SEMA6D: variants seen among roughly 807,000 people sequenced by gnomAD.
SEMA6D encodes semaphorin-6D.
A neutral mutation model predicts 106.6 loss-of-function variants in SEMA6D; 35 were observed. The ratio of observed to expected loss-of-function variants is 0.33; its 90% CI spans 0.25 to 0.44. SEMA6D has a LOEUF of 0.44. SEMA6D is among the 20% of genes least tolerant of loss of function. The pLI is 1.00. For synonymous variants in SEMA6D, 499 were observed against 487.7 expected, an observed-to-expected ratio of 1.02 and a Z score of -0.31; for missense variants, 1,185 against 1,345.9, an observed-to-expected ratio of 0.88 and a Z score of 1.87.
intron 1 of SEMA6D, among the ~76,000 whole-genome samples, chr15:47,385,737 A>G (rs1664441536): frequency 6.6e-6 from 1 of 152,222 alleles, no homozygotes; most frequent in South Asian, 2.1e-4. Flanking sequence ...GAACTGGGAA[A>G]TGATAACTGT....
chr15:47,226,786 T>C (rs974549680), intron 1 of SEMA6D, among the ~76,000 whole-genome samples: 1 of 152,120 alleles, frequency 6.6e-6, no homozygotes, highest in Non-Finnish European at 1.5e-5. Context: ...GCTCTTCAGC[T>C]GTAGACTTTG....
intron 4 of SEMA6D, among the ~76,000 whole-genome samples, chr15:47,710,096 C>T (rs1023376967): frequency 7.2e-5 from 11 of 152,106 alleles, no homozygotes; most frequent in African/African-American, 2.7e-4. Context: ...AAGATCTAAA[C>T]AAAATAAATC....
intron 2 of SEMA6D, among the ~76,000 whole-genome samples, chr15:47,418,761 T>C (rs1267219643): frequency 6.6e-6 from 1 of 151,928 alleles, no homozygotes; most frequent in Non-Finnish European, 1.5e-5. Flanking sequence ...CAAGAGAGGA[T>C]AGGGTCCTGT....
chr15:47,570,035 C>G (rs1228134732), intron 3 of SEMA6D, among the ~76,000 whole-genome samples: 2 of 116,758 alleles, frequency 1.7e-5, no homozygotes, highest in Non-Finnish European at 4.2e-5. Context: ...CACTCCCAGC[C>G]CGGGCAACAG....
At chr15:47,693,209 A>C (rs957220879) in intron 4 of SEMA6D, among the ~76,000 whole-genome samples, 1 of 152,140 alleles carries the variant, frequency 6.6e-6, no homozygotes, top group Non-Finnish European at 1.5e-5. Context: ...ACACAGGGAA[A>C]GGCAATGTGA....
intron 4 of SEMA6D, among the ~76,000 whole-genome samples, chr15:47,654,126 C>A (rs1431712610): frequency 1.3e-5 from 2 of 152,180 alleles, no homozygotes; most frequent in African/African-American, 4.8e-5. Context: ...GGATGATGAT[C>A]ATTTTTCCAT....
intron 1 of SEMA6D, among the ~76,000 whole-genome samples, chr15:47,296,736 T>C (rs567571886): frequency 6.6e-6 from 1 of 152,292 alleles, no homozygotes; most frequent in East Asian, 1.9e-4. Context: ...ATGAGCAAAC[T>C]CTGCCATAAA....
At chr15:47,340,473 A>G (rs1430223349) in intron 1 of SEMA6D, among the ~76,000 whole-genome samples, 1 of 152,228 alleles carries the variant, frequency 6.6e-6, no homozygotes, top group Non-Finnish European at 1.5e-5. Flanking sequence ...ATGGATCGTT[A>G]TCTACAGTCT....
chr15:47,401,564 A>G (rs979691003), intron 1 of SEMA6D, among the ~76,000 whole-genome samples: 2 of 152,212 alleles, frequency 1.3e-5, no homozygotes, highest in East Asian at 1.9e-4. Context: ...TGCTCACCCA[A>G]TACCCATGTC....
At chr15:47,402,747 C>CTTTTTTTTTTTTTTTTTTTTTT (rs11344225) in intron 1 of SEMA6D, among the ~76,000 whole-genome samples, 1 of 121,514 alleles carries the variant, frequency 8.2e-6, no homozygotes, top group Non-Finnish European at 1.7e-5. Flanking sequence ...GTGAGCCAGA[C>CTTTTTTTTTTTTTTTTTTTTTT]TTTTTTTTTT....
intron 1 of SEMA6D, among the ~76,000 whole-genome samples, chr15:47,301,536 C>G (rs1307709985): frequency 2.6e-5 from 4 of 152,204 alleles, no homozygotes; most frequent in African/African-American, 7.2e-5. Flanking sequence ...CCCTGAAGGT[C>G]CCTAGGCAGA....
At chr15:47,469,916 C>T (rs183733133) in intron 2 of SEMA6D, among the ~76,000 whole-genome samples, 1 of 152,022 alleles carries the variant, frequency 6.6e-6, no homozygotes, top group African/African-American at 2.4e-5. Context: ...GAAAAGTGTG[C>T]ACATGATTAT....
At chr15:47,513,848 A>G (rs547286628) in intron 3 of SEMA6D, among the ~76,000 whole-genome samples, 1 of 152,352 alleles carries the variant, frequency 6.6e-6, no homozygotes, top group Non-Finnish European at 1.5e-5. Context: ...ACACATTGTA[A>G]TGCAGATTGT....
chr15:47,704,983 A>C (rs1391158993), intron 4 of SEMA6D, among the ~76,000 whole-genome samples: 1 of 152,228 alleles, frequency 6.6e-6, no homozygotes, highest in East Asian at 1.9e-4. Flanking sequence ...AATAGTAAAA[A>C]TACATTCACT....
intron 3 of SEMA6D, among the ~76,000 whole-genome samples, chr15:47,495,872 A>G (rs951482752): frequency 6.6e-6 from 1 of 152,072 alleles, no homozygotes; most frequent in Non-Finnish European, 1.5e-5. Flanking sequence ...CCCTTCATTG[A>G]ACATACAAGT....
intron 1 of SEMA6D, among the ~76,000 whole-genome samples, chr15:47,205,723 CATA>C (rs199801410): frequency 6.6e-6 from 1 of 151,808 alleles, no homozygotes; most frequent in Admixed American, 6.6e-5. Context: ...TCGAATAGAC[CATA>C]ATAAGCTAAA....
chr15:47,471,171 C>T (rs2042824897), intron 3 of SEMA6D, among the ~76,000 whole-genome samples: 2 of 152,126 alleles, frequency 1.3e-5, no homozygotes, highest in African/African-American at 4.8e-5. Context: ...GACAATTCTA[C>T]GCACACAGTG....
chr15:47,447,888 A>G lies in SEMA6D; in HGVS notation c.-158-22586A>G, dbSNP rs991464077. On this transcript the variant is annotated intron_variant, in intron 2 of 19. Transcript: ENST00000558014. ...CATTGCCAGAATTGAATTGTATTGG[A>G]GGATGCCCAGCTGGTATCTGCTAAA... Among the ~76,000 whole-genome samples, 4 of 152,132 alleles carry G rather than the reference A, an allele frequency of 2.6e-5. No homozygotes were observed. In the East Asian group the frequency reaches 5.8e-4, roughly 22 times the overall value.
chr15:47,730,303 G>A lies in SEMA6D; in HGVS notation c.-55+12611G>A, dbSNP rs906255636. On this transcript the variant is annotated intron_variant, in intron 1 of 18. Coordinates refer to ENST00000536845, the MANE Select transcript of SEMA6D (RefSeq NM_001358351.3). Reference sequence around the variant, plus strand: ...TAGCTTCCACCAGCTTAGCCAAAGCGCCTTTGTCTTCCGAGTTCACCTGTG... The same window carrying A: ...TAGCTTCCACCAGCTTAGCCAAAGCACCTTTGTCTTCCGAGTTCACCTGTG... The A allele has an allele frequency of 3.9e-5, 60 of 1,524,574 alleles. No homozygotes were observed. The Admixed American group carries it at 4.3e-4, about 11-fold the overall frequency. The allele number at this position is 1,524,574 out of a possible 1,614,324, so 94.4% of individuals were successfully genotyped here.
Sources: gnomAD v4.1 joint callset for allele counts (sites outside exome capture counted in the v4.1 genomes callset) on GRCh38, gnomAD v4.1.1 for gene constraint, MANE v1.5 for transcripts, NCBI Gene and HGNC (gene_info 2026-07-23, HGNC 2026-07-21) for gene names.